The following TTC28 variants were observed in gnomAD, a reference collection of about 807,000 sequenced individuals.
TTC28 encodes tetratricopeptide repeat domain 28.
Under a neutral mutation model 198.0 loss-of-function variants are expected in TTC28, and 61 were observed. The ratio of observed to expected loss-of-function variants is 0.31; its 90% CI spans 0.25 to 0.38. The LOEUF (loss-of-function observed/expected upper bound fraction) is 0.38. Ranked by LOEUF, TTC28 falls within the 10% of genes least tolerant of loss-of-function variation. The probability of loss-of-function intolerance (pLI) is 1.00; values close to 1 mark genes in which losing one functional copy is unlikely to be tolerated. For missense variants in TTC28, 2,678 were observed against 3,164.0 expected (o/e 0.85, Z 3.69); for synonymous variants, 1,171 against 1,297.8 (o/e 0.90, Z 2.10).
At position 28,024,063 on chromosome 22, in the gene TTC28, C is replaced by G. The variant is rs8135679; in HGVS notation, c.4073+6163G>C. 8.5e-3 allele frequency among the ~76,000 whole-genome samples: 1,289 copies of G among 151,878 alleles called. 30 individuals carry two copies. Among genetic ancestry groups the G allele is most frequent in the African/African-American group, 0.029 (1,185 of 41,450 alleles). On this transcript the variant is annotated intron_variant, in intron 13 of 22. Transcript: ENST00000397906. ...CCCTCCCTCCCTTCTGTGCCTGTAC[C>G]TACTTAACACACAGCACCCTGCTAG...
At chr22:28,230,202 C>T (rs1028482525) in intron 5 of TTC28, among the ~76,000 whole-genome samples, 1 of 152,152 alleles carries the variant, frequency 6.6e-6, no homozygotes, top group African/African-American at 2.4e-5. Flanking sequence ...TTGTAATTGT[C>T]ACATCAGCCC....
intron 2 of TTC28, among the ~76,000 whole-genome samples, chr22:28,388,102 A>C (rs912508639): frequency 4.6e-5 from 7 of 152,146 alleles, no homozygotes; most frequent in Non-Finnish European, 1.0e-4. Flanking sequence ...TAAATAGGGA[A>C]TCCTTTCCCC....
intron 2 of TTC28, among the ~76,000 whole-genome samples, chr22:28,342,164 A>C (rs2045842418): frequency 6.6e-6 from 1 of 152,182 alleles, no homozygotes; most frequent in South Asian, 2.1e-4. Flanking sequence ...GGGTTAGGAA[A>C]CTATGTTCTA....
In TTC28 at chr22:28,039,848, TAAA is replaced by T. The variant is rs578137176; in HGVS notation, c.3933-9485_3933-9483del. Reference sequence around the variant, plus strand: ...ATTGATAGACTGCTAGCAAGACTAATAAAGAAGAAAAGAGAGAAGAATCAAATA... The same window carrying T: ...ATTGATAGACTGCTAGCAAGACTAATGAAGAAAAGAGAGAAGAATCAAATA... On this transcript the variant is annotated intron_variant, in intron 12 of 22. Coordinates refer to ENST00000397906, the MANE Select transcript of TTC28 (RefSeq NM_001145418.2). Among the ~76,000 whole-genome samples the T allele has an allele frequency of 9.0e-4, 137 of 151,600 alleles. 1 individual carries two copies. The highest frequency in any genetic ancestry group is 3.0e-3 in the African/African-American group (125 of 41,276).
chr22:28,441,063 TCA>T (rs2047613921), intron 2 of TTC28, among the ~76,000 whole-genome samples: 1 of 152,214 alleles, frequency 6.6e-6, no homozygotes. Context: ...AATTTAAGCA[TCA>T]CAGAGTGAGT....
intron 13 of TTC28, among the ~76,000 whole-genome samples, chr22:28,019,024 C>T (rs938645314): frequency 6.6e-6 from 1 of 152,186 alleles, no homozygotes; most frequent in African/African-American, 2.4e-5. Context: ...ACTGGGATAC[C>T]TCTGCCTAGA....
At chr22:28,152,003 G>A (rs928614111) in intron 6 of TTC28, among the ~76,000 whole-genome samples, 3 of 152,042 alleles carry the variant, frequency 2.0e-5, no homozygotes, top group African/African-American at 7.2e-5. Context: ...GCTCAGAGGG[G>A]GCCCGCAGGC....
chr22:28,031,816 A>T (rs1283061022), intron 12 of TTC28, among the ~76,000 whole-genome samples: 1 of 152,138 alleles, frequency 6.6e-6, no homozygotes, highest in Non-Finnish European at 1.5e-5. Flanking sequence ...AGATGAGATT[A>T]CCATTTAAGC....
intron 6 of TTC28, among the ~76,000 whole-genome samples, chr22:28,162,195 T>C (rs1403838145): frequency 3.9e-5 from 6 of 152,168 alleles, no homozygotes; most frequent in African/African-American, 1.4e-4. Flanking sequence ...CCACTACATA[T>C]AAATTCCCCC....
At chr22:28,470,750 C>G (rs1467630213) in intron 2 of TTC28, among the ~76,000 whole-genome samples, 1 of 152,068 alleles carries the variant, frequency 6.6e-6, no homozygotes, top group Non-Finnish European at 1.5e-5. Context: ...TTACAAGAAA[C>G]TGGAACGTAA....
chr22:28,411,348 A>G (rs1376662324), intron 2 of TTC28, among the ~76,000 whole-genome samples: 2 of 152,194 alleles, frequency 1.3e-5, no homozygotes, highest in African/African-American at 4.8e-5. Context: ...AGGCATTCCT[A>G]CTCACAGAAT....
chr22:28,673,048 C>A (rs1204540390), intron 1 of TTC28, among the ~76,000 whole-genome samples: 1 of 152,116 alleles, frequency 6.6e-6, no homozygotes, highest in Non-Finnish European at 1.5e-5. Flanking sequence ...GCACAACAAA[C>A]CTGACTTTGT....
At chr22:28,579,596 C>T (rs907848280) in intron 2 of TTC28, among the ~76,000 whole-genome samples, 3 of 145,246 alleles carry the variant, frequency 2.1e-5, no homozygotes, top group Admixed American at 1.4e-4. Flanking sequence ...TATATATATA[C>T]ACGAAAAAAT....
At chr22:28,538,481 A>G (rs1429891655) in intron 2 of TTC28, among the ~76,000 whole-genome samples, 1 of 152,118 alleles carries the variant, frequency 6.6e-6, no homozygotes, top group African/African-American at 2.4e-5. Context: ...TCTGAAGAAA[A>G]ACCAGATTGC....
chr22:28,096,159 A>C (rs2146863511), intron 11 of TTC28, 31 bp downstream of exon 11: 1 of 1,509,418 alleles, frequency 6.6e-7, no homozygotes, highest in African/African-American at 1.4e-5. Flanking sequence ...TAGTCTTCTA[A>C]TTGCCCTGTT....
At chr22:28,083,027 A>C (rs534808075) in intron 12 of TTC28, among the ~76,000 whole-genome samples, 1 of 152,250 alleles carries the variant, frequency 6.6e-6, no homozygotes, top group African/African-American at 2.4e-5. Context: ...CTGCAAGATT[A>C]ATTGATTAGA....
In TTC28 at chr22:28,037,179, C is replaced by A. The variant is rs550829046; in HGVS notation, c.3933-6813G>T. Among the ~76,000 whole-genome samples the A allele has an allele frequency of 2.0e-5, 3 of 152,294 alleles. No individual in the cohort carries two copies. The East Asian group carries it at 5.8e-4, about 29-fold the overall frequency. ...CTAACTCATTTTATGAGGCCAGCAT[C>A]ATCCTGATACCAAAGCCTGGCAGAG... On this transcript the variant is annotated intron_variant, in intron 12 of 22. Transcript: ENST00000397906.
At chr22:28,177,838 G>T (rs762347520) in intron 5 of TTC28, among the ~76,000 whole-genome samples, 8 of 152,190 alleles carry the variant, frequency 5.3e-5, no homozygotes, top group Non-Finnish European at 8.8e-5. Flanking sequence ...TTCAGCAGTT[G>T]CAAGGGAGTT....
chr22:28,452,407 AAAAAAAAAAAAG>A, intron 2 of TTC28, among the ~76,000 whole-genome samples: 1 of 150,268 alleles, frequency 6.7e-6, no homozygotes, highest in African/African-American at 2.4e-5. Flanking sequence ...AAAAAAAAAA[AAAAAAAAAAAAG>A]AGGCTGTATT....
Sources: gnomAD v4.1 joint callset for allele counts (sites outside exome capture counted in the v4.1 genomes callset) on GRCh38, gnomAD v4.1.1 for gene constraint, MANE v1.5 for transcripts, NCBI Gene and HGNC (gene_info 2026-07-23, HGNC 2026-07-21) for gene names.